Variants in FAF1 observed in about 807,000 individuals in gnomAD.
The protein encoded by FAF1 is Fas associated factor 1.
In FAF1, 25 loss-of-function variants were observed where a neutral mutation model predicts 92.5. The ratio of observed to expected loss-of-function variants is 0.27; its 90% CI spans 0.20 to 0.38. The LOEUF is 0.38. FAF1 is among the 10% of genes least tolerant of loss of function. The pLI, the probability that FAF1 is intolerant of heterozygous loss-of-function variation, is 1.00. For synonymous variants in FAF1, 234 were observed against 273.2 expected (o/e 0.86, Z 1.42); for missense variants, 636 against 793.3 (o/e 0.80, Z 2.38).
chr1:50,911,631 A>C (rs1432508023), intron 1 of FAF1, among the ~76,000 whole-genome samples: 4 of 152,058 alleles, frequency 2.6e-5, no homozygotes, highest in African/African-American at 7.2e-5. Flanking sequence ...CAGCAGGCAG[A>C]GGTTGCAGTG....
chr1:50,741,031 A>G (rs1659366324), intron 5 of FAF1, among the ~76,000 whole-genome samples: 1 of 152,204 alleles, frequency 6.6e-6, no homozygotes, highest in Admixed American at 6.5e-5. Context: ...TAAGTTATTT[A>G]CTCATGCATT....
chr1:50,795,659 A>T (rs1661720806), intron 3 of FAF1, among the ~76,000 whole-genome samples: 1 of 152,224 alleles, frequency 6.6e-6, no homozygotes, highest in Admixed American at 6.5e-5. Context: ...TTAAGTGTTG[A>T]CAGTGATTCC....
intron 8 of FAF1, among the ~76,000 whole-genome samples, chr1:50,634,661 C>A (rs1190226420): frequency 6.6e-6 from 1 of 152,130 alleles, no homozygotes; most frequent in Non-Finnish European, 1.5e-5. Context: ...CTGGAGAAAG[C>A]AGTAATATGT....
intron 1 of FAF1, among the ~76,000 whole-genome samples, chr1:50,939,883 C>G (rs1645116793): frequency 6.6e-6 from 1 of 152,098 alleles, no homozygotes. Context: ...ATAAGTATTA[C>G]AGTATGTCAA....
At chr1:50,647,720 A>C (rs755298002) in intron 8 of FAF1, among the ~76,000 whole-genome samples, 111 of 152,208 alleles carry the variant, frequency 7.3e-4, no homozygotes, top group Non-Finnish European at 1.3e-3. Flanking sequence ...TGACTCTTTA[A>C]TCTTCACAAT....
chr1:50,490,401 AAGGAAGGAAGGAAG>A (rs1646818494), intron 17 of FAF1, among the ~76,000 whole-genome samples, 173 bp downstream of exon 17: 2 of 56,000 alleles, frequency 3.6e-5, no homozygotes, highest in Non-Finnish European at 9.2e-5. Context: ...GGAAGGAAGG[AAGGAAGGAAGGAAG>A]GAAGGAAGGA....
intron 8 of FAF1, among the ~76,000 whole-genome samples, chr1:50,632,451 A>G (rs187757191): frequency 1.3e-5 from 2 of 152,324 alleles, no homozygotes; most frequent in East Asian, 1.9e-4. Flanking sequence ...TTGTTCATCA[A>G]TAAATCAGGA....
chr1:50,594,506 T>A (rs1264498707), intron 9 of FAF1, among the ~76,000 whole-genome samples: 1 of 151,726 alleles, frequency 6.6e-6, no homozygotes, highest in Non-Finnish European at 1.5e-5. Context: ...ATGGTCAGAG[T>A]TGGGCATGAA....
chr1:50,846,216 A>G (rs2124650935), intron 2 of FAF1, among the ~76,000 whole-genome samples: 1 of 152,232 alleles, frequency 6.6e-6, no homozygotes, highest in Middle Eastern at 3.4e-3. Flanking sequence ...CATACGATGT[A>G]CAGCTTTCAA....
chr1:50,455,598 G>C (rs899473726), intron 18 of FAF1, among the ~76,000 whole-genome samples: 1 of 152,098 alleles, frequency 6.6e-6, no homozygotes, highest in Non-Finnish European at 1.5e-5. Context: ...CAACATCCAG[G>C]TCATTTAATC....
intron 8 of FAF1, among the ~76,000 whole-genome samples, chr1:50,619,101 A>T (rs1476201660): frequency 6.6e-6 from 1 of 152,130 alleles, no homozygotes; most frequent in Non-Finnish European, 1.5e-5. Context: ...ATCTTTCTCC[A>T]TCCCTTTACT....
chr1:50,553,627 C>G (rs1331998926), intron 13 of FAF1, among the ~76,000 whole-genome samples: 2 of 152,140 alleles, frequency 1.3e-5, no homozygotes, highest in Non-Finnish European at 2.9e-5. Context: ...TCCTCTAGAG[C>G]ACTATGCTTG....
intron 1 of FAF1, among the ~76,000 whole-genome samples, chr1:50,893,483 G>A (rs895740536): frequency 6.6e-6 from 1 of 152,144 alleles, no homozygotes; most frequent in Non-Finnish European, 1.5e-5. Context: ...GAATTTTATG[G>A]ATTAGCATAT....
At chr1:50,597,861 A>C (rs1325934621) in intron 8 of FAF1, among the ~76,000 whole-genome samples, 2 of 152,228 alleles carry the variant, frequency 1.3e-5, no homozygotes, top group Non-Finnish European at 2.9e-5. Flanking sequence ...CACTTAACAA[A>C]TTCTTGTTGA....
At chr1:50,905,691 T>G (rs1322768422) in intron 1 of FAF1, among the ~76,000 whole-genome samples, 1 of 152,264 alleles carries the variant, frequency 6.6e-6, no homozygotes, top group Non-Finnish European at 1.5e-5. Flanking sequence ...TTTTGAGAAG[T>G]GTCTGTTAAT....
chr1:50,766,796 A>AGC, intron 4 of FAF1, among the ~76,000 whole-genome samples: 1 of 150,540 alleles, frequency 6.6e-6, no homozygotes, highest in East Asian at 1.9e-4. Flanking sequence ...GCAAGCAAAA[A>AGC]AAAAAAAAAA....
intron 18 of FAF1, among the ~76,000 whole-genome samples, chr1:50,473,136 T>C (rs1646597227): frequency 6.6e-6 from 1 of 152,118 alleles, no homozygotes; most frequent in Non-Finnish European, 1.5e-5. Flanking sequence ...CACAGGGAGA[T>C]AGTAGCAGGC....
intron 2 of FAF1, among the ~76,000 whole-genome samples, chr1:50,823,561 A>G (rs910524079): frequency 2.0e-5 from 3 of 152,202 alleles, no homozygotes; most frequent in Admixed American, 6.5e-5. Context: ...ATTTTAGATC[A>G]TAACAGTGAA....
At chr1:50,942,679 G>A (rs2124755089) in intron 1 of FAF1, among the ~76,000 whole-genome samples, 1 of 152,050 alleles carries the variant, frequency 6.6e-6, no homozygotes. Context: ...GAAGATACAG[G>A]ACTCCTAAGA....
Sources: gnomAD v4.1 joint callset for allele counts (sites outside exome capture counted in the v4.1 genomes callset) on GRCh38, gnomAD v4.1.1 for gene constraint, MANE v1.5 for transcripts, NCBI Gene and HGNC (gene_info 2026-07-23, HGNC 2026-07-21) for gene names.